The following DDA1 variants were observed in gnomAD, a reference collection of about 807,000 sequenced individuals.
DDA1 encodes the protein DET1 and DDB1 associated 1.
Under a neutral mutation model 18.6 loss-of-function variants are expected in DDA1, and 3 were observed. The ratio of observed to expected loss-of-function variants is 0.16; its 90% CI spans 0.07 to 0.42. DDA1 has a LOEUF of 0.42. DDA1 is among the 10% of genes least tolerant of loss of function. The probability of loss-of-function intolerance (pLI) is 0.99; values close to 1 mark genes in which losing one functional copy is unlikely to be tolerated. For synonymous variants in DDA1, 52 were observed against 54.0 expected (o/e 0.96, Z 0.17); for missense variants, 105 against 138.2 (o/e 0.76, Z 1.20).
rs1334095278 is a variant in DDA1 at position 17,320,296 on chromosome 19, C to A, written c.*640C>A. ...CAATAAAAGGGTCTTTCCTACTTGA[C>A]CTCGCGTCTTTGCTCCACACACCTT... On this transcript the variant is annotated 3_prime_UTR_variant, in exon 5 of 5. Coordinates refer to ENST00000359866, the MANE Select transcript of DDA1 (RefSeq NM_024050.6). The A allele has an allele frequency of 6.6e-6, 1 of 152,328 alleles. No individual in the cohort carries two copies. Among genetic ancestry groups the A allele is most frequent in the Non-Finnish European group, 1.5e-5 (1 of 68,092 alleles). 9.4% of individuals were successfully genotyped at this position (152,328 alleles called of 1,614,324 possible). A position where few individuals can be genotyped will look rare whatever the true frequency, so the allele number is the denominator to read the frequency against.
At chr19:17,315,429 CATATAT>C (rs56662339) in intron 3 of DDA1, among the ~76,000 whole-genome samples, 12 of 52,028 alleles carry the variant, frequency 2.3e-4, no homozygotes, top group African/African-American at 3.8e-4. Flanking sequence ...TGTGTGTGTG[CATATAT>C]ATATATATAT....
intron 4 of DDA1, among the ~76,000 whole-genome samples, chr19:17,318,043 A>G (rs776701258): frequency 4.7e-5 from 7 of 149,748 alleles, no homozygotes. Context: ...TTCCTTTCCT[A>G]GATGAGGTCT....
intron 1 of DDA1, chr19:17,310,065 G>A (rs2074172031): frequency 4.6e-6 from 1 of 217,814 alleles, no homozygotes; most frequent in Non-Finnish European, 9.0e-6. Flanking sequence ...AGGGGGCTTG[G>A]CACCGCGATA....
intron 1 of DDA1, among the ~76,000 whole-genome samples, chr19:17,313,582 A>G (rs1190555126): frequency 6.6e-6 from 1 of 151,880 alleles, no homozygotes; most frequent in Non-Finnish European, 1.5e-5. Context: ...AGCTGGGATC[A>G]TAGGCGCGCA....
chr19:17,320,530 C>T lies in DDA1; in HGVS notation c.*874C>T, dbSNP rs1418779005. 9.8e-5 allele frequency: 15 copies of T among 152,386 alleles called. No individual in the cohort carries two copies. Among genetic ancestry groups the T allele is most frequent in the Admixed American group, 9.8e-4 (15 of 15,280 alleles). The allele number at this position is 152,386 out of a possible 1,614,324, so 9.4% of individuals were successfully genotyped here. On this transcript the variant is annotated 3_prime_UTR_variant, in exon 5 of 5. Coordinates refer to ENST00000359866, the MANE Select transcript of DDA1 (RefSeq NM_024050.6). ...GGACAGGTCATTCCTGAGAGACGGT[C>T]CATGGTGCCAAGGATGGAGCGGGGT...
In DDA1 at chr19:17,319,632, C is replaced by T; in HGVS notation, c.285C>T (p.Ser95=). Residue 95 remains serine (S), a synonymous_variant, in exon 5 of 5, where the codon AGC becomes AGT. Transcript: ENST00000359866. ...CCCGCAAGGTGGCGCGGACCGACAG[C>T]CCAGACATGCACGAGGACACTTAAG... ...APPRKVARTD[S]PDMHEDT is the part of the protein sequence containing the mutation. 6.4e-7 allele frequency: 1 copy of T among 1,574,504 alleles called. No homozygotes were observed. The highest frequency in any genetic ancestry group is 2.3e-5 in the East Asian group (1 of 42,870).
chr19:17,311,467 T>C (rs1408610871), intron 1 of DDA1, among the ~76,000 whole-genome samples: 1 of 152,186 alleles, frequency 6.6e-6, no homozygotes, highest in African/African-American at 2.4e-5. Context: ...AAGGAGCTTT[T>C]AAAGATGTGC....
chr19:17,320,921 T>C lies in DDA1; in HGVS notation c.*1265T>C, dbSNP rs2074237133. On this transcript the variant is annotated 3_prime_UTR_variant, in exon 5 of 5. Coordinates refer to ENST00000359866, the MANE Select transcript of DDA1 (RefSeq NM_024050.6). ...GAGCCTGGGGCTGGGGGAACACCGC[T>C]TCTCCCCTTATTGCCCCCACTGGTG... 1.3e-5 allele frequency: 2 copies of C among 152,494 alleles called. No individual in the cohort carries two copies. The highest frequency in any genetic ancestry group is 4.1e-4 in the South Asian group (2 of 4,834). The allele number at this position is 152,494 out of a possible 1,614,324, so 9.4% of individuals were successfully genotyped here. A position where few individuals can be genotyped will look rare whatever the true frequency, so the allele number is the denominator to read the frequency against.
intron 1 of DDA1, among the ~76,000 whole-genome samples, chr19:17,313,270 C>G (rs2074187203): frequency 1.3e-5 from 2 of 151,890 alleles, no homozygotes; most frequent in Middle Eastern, 3.2e-3. Context: ...GTGTCCTTGC[C>G]TTTGATAGGG....
intron 1 of DDA1, among the ~76,000 whole-genome samples, chr19:17,313,233 C>G (rs1406542009): frequency 6.6e-6 from 1 of 151,984 alleles, no homozygotes; most frequent in Non-Finnish European, 1.5e-5. Context: ...GGTTTTCTGA[C>G]TGAGACTGGG....
At chr19:17,311,284 G>C (rs2074177722) in intron 1 of DDA1, among the ~76,000 whole-genome samples, 1 of 151,940 alleles carries the variant, frequency 6.6e-6, no homozygotes, top group African/African-American at 2.4e-5. Context: ...TCCTGCCTCA[G>C]CCTCCCAAGT....
chr19:17,312,730 G>A (rs2145672426), intron 1 of DDA1, among the ~76,000 whole-genome samples: 1 of 152,344 alleles, frequency 6.6e-6, no homozygotes, highest in South Asian at 2.1e-4. Context: ...CCAGGCGCGT[G>A]GCCATGGTGG....
chr19:17,319,483 C>A, intron 4 of DDA1, 63 bp from the exon 5 acceptor site: 1 of 1,416,430 alleles, frequency 7.1e-7, no homozygotes, highest in East Asian at 2.5e-5. Flanking sequence ...TTGCTTGAGC[C>A]CAGAAGGTTG....
rs1568353856 is a variant in DDA1, at chr19:17,315,240, TGTATATAC to T, written c.137-693_137-686del. ...ACACACACGTGTATACACACACACG[TGTATATAC>T]ACACACGTGTATATACACACACGTG... is the stretch of plus-strand genomic sequence containing the variant. On this transcript the variant is annotated intron_variant, in intron 3 of 4. Coordinates refer to ENST00000359866, the MANE Select transcript of DDA1 (RefSeq NM_024050.6). 2.6e-4 allele frequency among the ~76,000 whole-genome samples: 17 copies of T among 64,820 alleles called. 6 individuals carry two copies. Among genetic ancestry groups the T allele is most frequent in the African/African-American group, 1.3e-3 (15 of 11,538 alleles). 42.5% of individuals were successfully genotyped at this position (64,820 alleles called of 152,430 possible).
rs2074193161 is a variant in DDA1, at chr19:17,314,449, G to A, written c.136+60G>A. The A allele has an allele frequency of 6.2e-7, 1 of 1,605,594 alleles. No homozygotes were observed. The highest frequency in any genetic ancestry group is 1.3e-5 in the African/African-American group (1 of 74,886). On this transcript the variant is annotated intron_variant, in intron 3 of 4. Transcript: ENST00000359866. The surrounding 1 kb of genome is among the most constrained non-coding windows in gnomAD (Gnocchi z 4.6). ...TGCTGAGGGGCGGGGTTTGGTGACTGCAGCGTGGCACGCGGAGGTTATCTT... is the reference window on the plus strand; with the variant it reads ...TGCTGAGGGGCGGGGTTTGGTGACTACAGCGTGGCACGCGGAGGTTATCTT...
rs1033809898 is a variant in DDA1, at chr19:17,319,907, T to TA, written c.*259dup. 2.6e-4 allele frequency: 108 copies of TA among 423,190 alleles called. No homozygotes were observed. Among genetic ancestry groups the TA allele is most frequent in the African/African-American group, 8.4e-4 (41 of 48,578 alleles). The allele number at this position is 423,190 out of a possible 1,614,324, so 26.2% of individuals were successfully genotyped here. On this transcript the variant is annotated 3_prime_UTR_variant, in exon 5 of 5. Coordinates refer to ENST00000359866, the MANE Select transcript of DDA1 (RefSeq NM_024050.6). ...TAGTGTGATGTTGGTAGATGCTTTT[T>TA]AAAAAAAACAACATTGTCCCCCCGA... is the stretch of plus-strand genomic sequence containing the variant.
intron 1 of DDA1, among the ~76,000 whole-genome samples, chr19:17,312,369 C>G (rs930793300): frequency 1.3e-5 from 2 of 152,136 alleles, no homozygotes; most frequent in South Asian, 4.2e-4. Flanking sequence ...GAGAGGCTCC[C>G]GAAGTGTCGG....
intron 1 of DDA1, among the ~76,000 whole-genome samples, chr19:17,309,954 C>T (rs990927881): frequency 7.1e-6 from 1 of 140,784 alleles, no homozygotes; most frequent in African/African-American, 2.5e-5. Context: ...GGGATGGGGT[C>T]CCGTAAGACC....
rs111896322 is a variant in DDA1 at position 17,311,446 on chromosome 19, C to A, written c.3+1789C>A. On this transcript the variant is annotated intron_variant, in intron 1 of 4. Transcript: ENST00000359866. ...CTGGGAGTACAGGTGTGAGCCACTG[C>A]GCCCGGCCAGAAGGAGCTTTTAAAG... 8.7e-3 allele frequency among the ~76,000 whole-genome samples: 1,332 copies of A among 152,266 alleles called. 17 individuals carry two copies. Among genetic ancestry groups the A allele is most frequent in the African/African-American group, 0.03 (1,258 of 41,532 alleles).
Sources: allele counts gnomAD v4.1 joint callset (sites outside exome capture counted in the v4.1 genomes callset), GRCh38; gene constraint gnomAD v4.1.1; non-coding constraint Gnocchi (gnomAD v3.1); transcripts MANE v1.5; gene names NCBI Gene and HGNC (gene_info 2026-07-23, HGNC 2026-07-21).